FAM3C: variants seen among roughly 807,000 people sequenced by gnomAD.
FAM3C encodes protein FAM3C.
In FAM3C, 15 loss-of-function variants were observed where a neutral mutation model predicts 32.5. The observed-to-expected ratio is 0.46, with a 90% CI of 0.31 to 0.71. The LOEUF (loss-of-function observed/expected upper bound fraction) is 0.71, where lower values mean the gene tolerates loss of function less well. Ranked by LOEUF, FAM3C falls within the 30% of genes least tolerant of loss-of-function variation. The probability of loss-of-function intolerance (pLI) is 0.05; values close to 1 mark genes in which losing one functional copy is unlikely to be tolerated. For synonymous variants in FAM3C, 75 were observed against 86.1 expected (o/e 0.87, Z 0.72); for missense variants, 175 against 274.4 (o/e 0.64, Z 2.56).
intron 5 of FAM3C, chr7:121,364,464 C>T: frequency 3.0e-6 from 1 of 328,156 alleles, no homozygotes; most frequent in Non-Finnish European, 5.5e-6. Context: ...TACACTGCTT[C>T]AGATTATTCT....
chr7:121,384,836 G>A (rs1794434899), intron 1 of FAM3C, among the ~76,000 whole-genome samples: 1 of 152,154 alleles, frequency 6.6e-6, no homozygotes, highest in Non-Finnish European at 1.5e-5. Flanking sequence ...GCAAATTAAT[G>A]ATTCAAGAAT....
At chr7:121,391,013 G>C (rs558529085) in intron 1 of FAM3C, among the ~76,000 whole-genome samples, 11 of 152,196 alleles carry the variant, frequency 7.2e-5, no homozygotes, top group African/African-American at 2.6e-4. Context: ...GAGAAAATGT[G>C]GTGAGGAATA....
chr7:121,384,096 G>T (rs1332733030), intron 1 of FAM3C, among the ~76,000 whole-genome samples: 1 of 152,118 alleles, frequency 6.6e-6, no homozygotes. Context: ...AGGGTTCTGG[G>T]GGGCGGGGGA....
intron 1 of FAM3C, among the ~76,000 whole-genome samples, chr7:121,387,030 A>G (rs1451611365): frequency 6.6e-6 from 1 of 152,166 alleles, no homozygotes; most frequent in Admixed American, 6.6e-5. Context: ...TTTAGGCTTT[A>G]TGGACCATAC....
intron 1 of FAM3C, among the ~76,000 whole-genome samples, chr7:121,386,858 CAA>C (rs1233280325): frequency 1.3e-5 from 2 of 151,922 alleles, no homozygotes; most frequent in Non-Finnish European, 2.9e-5. Flanking sequence ...TGCTACAACT[CAA>C]AGAGTCACTA....
chr7:121,392,108 G>T (rs553545501), intron 1 of FAM3C, among the ~76,000 whole-genome samples: 1 of 152,124 alleles, frequency 6.6e-6, no homozygotes, highest in African/African-American at 2.4e-5. Flanking sequence ...GATTCCCCTG[G>T]TGGAGCTCCC....
At chr7:121,383,715 G>C (rs1794407337) in intron 1 of FAM3C, among the ~76,000 whole-genome samples, 2 of 152,130 alleles carry the variant, frequency 1.3e-5, no homozygotes, top group South Asian at 4.1e-4. Context: ...AAAAAAATCT[G>C]TATGTGCATG....
At chr7:121,390,719 C>G (rs1291135591) in intron 1 of FAM3C, among the ~76,000 whole-genome samples, 1 of 151,794 alleles carries the variant, frequency 6.6e-6, no homozygotes. Flanking sequence ...CCTGGAGAAT[C>G]AGAATCCCTA....
At chr7:121,392,245 C>T (rs1269458788) in intron 1 of FAM3C, among the ~76,000 whole-genome samples, 1 of 152,014 alleles carries the variant, frequency 6.6e-6, no homozygotes, top group Non-Finnish European at 1.5e-5. Context: ...AAAGAAATAC[C>T]CAAGACTGGG....
chr7:121,367,493 C>T (rs1180190368), intron 5 of FAM3C, among the ~76,000 whole-genome samples: 1 of 151,970 alleles, frequency 6.6e-6, no homozygotes, highest in Non-Finnish European at 1.5e-5. Context: ...CCTCTTTGCC[C>T]TCATAGCCAA....
In FAM3C at chr7:121,355,215, T is replaced by C. The variant is rs188982194; in HGVS notation, c.468-3946A>G. Among the ~76,000 whole-genome samples the C allele has an allele frequency of 2.1e-4, 32 of 152,306 alleles. 1 individual carries two copies. Among genetic ancestry groups the C allele is most frequent in the African/African-American group, 7.2e-4 (30 of 41,572 alleles). On this transcript the variant is annotated intron_variant, in intron 8 of 9. Transcript: ENST00000359943. ...AGGGAATAGTAGCTCAAGAAGTCCA[T>C]GTAAGTGCTCTAAAGTAAATTTAAG...
intron 8 of FAM3C, 68 bp downstream of exon 8, chr7:121,359,975 T>G: frequency 1.2e-6 from 1 of 867,258 alleles, no homozygotes; most frequent in East Asian, 2.4e-5. Flanking sequence ...AGATTTTTTT[T>G]TAATGAAAAT....
intron 1 of FAM3C, among the ~76,000 whole-genome samples, chr7:121,386,690 CACAT>C: frequency 7.6e-6 from 1 of 130,924 alleles, no homozygotes; most frequent in South Asian, 2.3e-4. Context: ...CACACACGCA[CACAT>C]ATATATATAT....
chr7:121,369,452 T>A (rs1238957008), intron 5 of FAM3C, among the ~76,000 whole-genome samples: 2 of 152,180 alleles, frequency 1.3e-5, no homozygotes, highest in Non-Finnish European at 2.9e-5. Flanking sequence ...GGCTTGGGTA[T>A]AAAATCCCAC....
At chr7:121,391,266 A>G (rs1353141864) in intron 1 of FAM3C, among the ~76,000 whole-genome samples, 1 of 152,212 alleles carries the variant, frequency 6.6e-6, no homozygotes, top group African/African-American at 2.4e-5. Flanking sequence ...GAGTTCTACA[A>G]TTGTTTAAAC....
At chr7:121,396,127 G>A (rs954296036) in intron 1 of FAM3C, 35 bp downstream of exon 1, 1 of 153,026 alleles carries the variant, frequency 6.5e-6, no homozygotes, top group African/African-American at 2.4e-5. Flanking sequence ...CCCCGAACCT[G>A]AGCCCCGGCT....
chr7:121,350,682 A>T (rs1306591981), intron 9 of FAM3C, 132 bp from the exon 10 acceptor site: 6 of 915,166 alleles, frequency 6.6e-6, no homozygotes, highest in Non-Finnish European at 9.9e-6. Context: ...ACTGGTCAAG[A>T]TATTAAATGA....
At chr7:121,354,839 T>C (rs1001359615) in intron 8 of FAM3C, among the ~76,000 whole-genome samples, 4 of 152,202 alleles carry the variant, frequency 2.6e-5, no homozygotes, top group African/African-American at 4.8e-5. Context: ...AAAAACTCTA[T>C]AATTTTCACT....
In FAM3C at chr7:121,351,252, C is replaced by T. The variant is rs1270608185; in HGVS notation, c.485G>A (p.Arg162Gln). Reference protein sequence around the residue: ...DGATKLNDEARRLIADLGSTS... With the variant: ...DGATKLNDEAQRLIADLGSTS... ...GCTCCCCAAATCAGCAATGAGCCGC[C>T]GTGCCTCATCATTGAGTCTTGAAGA... The change falls in exon 9 of 10, where the codon CGG (arginine) becomes CAG (glutamine). Residue 162 changes from arginine to glutamine, a missense_variant. By Grantham distance (43) the Arg-to-Gln change is conservative (BLOSUM62 1). Transcript: ENST00000359943. The T allele has an allele frequency of 5.0e-6, 8 of 1,613,336 alleles. No homozygotes were observed. The highest frequency in any genetic ancestry group is 4.5e-5 in the East Asian group (2 of 44,868).
Sources: gnomAD v4.1 joint callset for allele counts (sites outside exome capture counted in the v4.1 genomes callset) on GRCh38, gnomAD v4.1.1 for gene constraint, MANE v1.5 for transcripts, NCBI Gene and HGNC (gene_info 2026-07-23, HGNC 2026-07-21) for gene names.